The following NEMF variants were observed in gnomAD, a reference collection of about 807,000 sequenced individuals.
The protein encoded by NEMF is nuclear export mediator factor.
NEMF carries 89 observed loss-of-function variants against 162.2 expected under a neutral mutation model. That is an observed-to-expected ratio of 0.55 (90% CI 0.46 to 0.65). The LOEUF (loss-of-function observed/expected upper bound fraction) is 0.65. Ranked by LOEUF, NEMF falls within the 30% of genes least tolerant of loss-of-function variation. NEMF has a pLI of 0.00. For synonymous variants in NEMF, 421 were observed against 404.5 expected (o/e 1.04, Z -0.49); for missense variants, 1,133 against 1,261.9 (o/e 0.90, Z 1.55).
intron 25 of NEMF, among the ~76,000 whole-genome samples, chr14:49,798,318 T>A (rs1203639198): frequency 6.6e-6 from 1 of 152,220 alleles, no homozygotes; most frequent in African/African-American, 2.4e-5. Flanking sequence ...TTGCAAATAA[T>A]CCTTGATTTA....
At chr14:49,827,668 C>G (rs916183423) in intron 15 of NEMF, among the ~76,000 whole-genome samples, 1 of 152,004 alleles carries the variant, frequency 6.6e-6, no homozygotes, top group Non-Finnish European at 1.5e-5. Context: ...CAAAAATTAG[C>G]TGGGTGTGGT....
intron 15 of NEMF, 105 bp downstream of exon 15, chr14:49,828,186 G>C: frequency 1.2e-6 from 1 of 848,270 alleles, no homozygotes; most frequent in South Asian, 1.4e-5. Flanking sequence ...AAGTTTGAAA[G>C]ATACTTCTGA....
chr14:49,794,041 G>C (rs1594731255), intron 26 of NEMF, among the ~76,000 whole-genome samples: 1 of 152,022 alleles, frequency 6.6e-6, no homozygotes, highest in Admixed American at 6.6e-5. Flanking sequence ...CTTCTCAAAT[G>C]ATCTACAATA....
At chr14:49,813,780 T>A (rs115501248) in intron 18 of NEMF, among the ~76,000 whole-genome samples, 2,484 of 152,034 alleles carry the variant, frequency 0.016, 64 homozygotes, top group African/African-American at 0.056. Context: ...TTTAAAAAAA[T>A]TTTTCTAGAG....
At chr14:49,844,727 G>GCGCACACA (rs1893394206) in intron 4 of NEMF, 3 of 145,958 alleles carry the variant, frequency 2.1e-5, no homozygotes, top group African/African-American at 8.4e-5. Flanking sequence ...ACACGCACGC[G>GCGCACACA]CACGCGCGCG....
chr14:49,836,531 C>T (rs1164956473), intron 6 of NEMF, among the ~76,000 whole-genome samples: 1 of 151,876 alleles, frequency 6.6e-6, no homozygotes, highest in African/African-American at 2.4e-5. Context: ...CCTGTAGTCC[C>T]AGCTACTTGT....
rs75778865 is a variant in NEMF, at chr14:49,851,569, G to A, written c.225C>T (p.Ala75=). The change falls in exon 3 of 33, where the codon GCC becomes GCT. Residue 75 remains alanine (A), a synonymous_variant. Transcript: ENST00000298310. ...WPKNMMPSSF[A]MKCRKHLKSR... Reference sequence around the variant, plus strand: ...TCAAGCGTAACAAGTTTACCTTCATGGCAAAACTAGACGGCATCATATTCT... The same window carrying A: ...TCAAGCGTAACAAGTTTACCTTCATAGCAAAACTAGACGGCATCATATTCT... The A allele has an allele frequency of 3.1e-6, 5 of 1,608,952 alleles. No individual in the cohort carries two copies. In the African/African-American group the frequency reaches 6.7e-5, roughly 22 times the overall value.
chr14:49,825,121 G>A lies in NEMF; in HGVS notation c.1577+746C>T, dbSNP rs188134873. 3.6e-3 allele frequency among the ~76,000 whole-genome samples: 541 copies of A among 152,220 alleles called. 3 individuals are homozygous for A. Among genetic ancestry groups the A allele is most frequent in the African/African-American group, 0.012 (514 of 41,510 alleles). On this transcript the variant is annotated intron_variant, in intron 16 of 32. Transcript: ENST00000298310. ...GGGAAGATTTTTAAAACTGAGCAAG[G>A]AAGGAAAAAGAAAACAGAATTCTAT...
chr14:49,846,980 G>C (rs911789923), intron 3 of NEMF, among the ~76,000 whole-genome samples: 4 of 152,166 alleles, frequency 2.6e-5, no homozygotes, highest in African/African-American at 9.7e-5. Context: ...CCGCCTCCCA[G>C]GTTCAAGTGA....
At chr14:49,845,572 A>G (rs1323528145) in intron 4 of NEMF, among the ~76,000 whole-genome samples, 1 of 152,182 alleles carries the variant, frequency 6.6e-6, no homozygotes, top group African/African-American at 2.4e-5. Context: ...GTACAGCTGT[A>G]CAATACTTTC....
chr14:49,833,440 A>C lies in NEMF; in HGVS notation c.718T>G (p.Ser240Ala), dbSNP rs759514593. Residue 240 changes from serine (S) to alanine (A), a missense_variant, in exon 8 of 33, where the codon TCC becomes GCC. This residue lies in a region of NEMF where 582 missense variants were observed against 631.5 expected (regional missense o/e 0.92). Transcript: ENST00000298310. ...GGTGCTACCTTCCCACTGAAGTTGG[A>C]TGTTGTTTTCATATAGTCTTCTGCT... The part of the protein sequence containing the change: ...QKAEDYMKTT[S>A]NFSGKGYIIQ... 5.7e-6 allele frequency: 9 copies of C among 1,584,726 alleles called. No homozygotes were observed. The South Asian group carries it at 1.0e-4, about 18-fold the overall frequency.
Position 49,782,306 on chromosome 14 carries a change from T to C in NEMF, c.*2330A>G. The C allele has an allele frequency of 1.0e-6, 1 of 987,286 alleles. No homozygotes were observed. Among genetic ancestry groups the C allele is most frequent in the Non-Finnish European group, 1.6e-6 (1 of 630,702 alleles). The allele number at this position is 987,286 out of a possible 1,614,324, so 61.2% of individuals were successfully genotyped here. On this transcript the variant is annotated 3_prime_UTR_variant, in exon 33 of 33. Coordinates refer to ENST00000298310, the MANE Select transcript of NEMF (RefSeq NM_004713.6). ...TAGTCTTTATTTCATAGCTCTATTC[T>C]GTAGTATAAAATGGCCAACTGGTGT...
At position 49,831,303 on chromosome 14, in the gene NEMF, T is replaced by A. The variant is rs773281430; in HGVS notation, c.941A>T (p.Gln314Leu). 1.9e-5 allele frequency: 29 copies of A among 1,565,074 alleles called. No individual in the cohort carries two copies. Among genetic ancestry groups the A allele is most frequent in the Middle Eastern group, 3.4e-4 (2 of 5,954 alleles). Residue 314 changes from glutamine to leucine, a missense_variant, in exon 11 of 33, where the codon CAA (glutamine) becomes CTA (leucine). Coordinates refer to ENST00000298310, the MANE Select transcript of NEMF (RefSeq NM_004713.6). ...EGQKIDLKAL[Q>L]QEKQALKKLD... is the part of the protein sequence containing the mutation. ...TGTGTTTTTAATAATACATACCTGT[T>A]GTAAAGCTTTTAAGTCAATTTTCTG...
At position 49,782,190 on chromosome 14, in the gene NEMF, AAAAT is replaced by A. The variant is rs1483200112; in HGVS notation, c.*2442_*2445del. The A allele has an allele frequency of 1.9e-6, 1 of 538,004 alleles. No individual in the cohort carries two copies. The highest frequency in any genetic ancestry group is 1.9e-5 in the African/African-American group (1 of 51,332). 33.3% of individuals were successfully genotyped at this position (538,004 alleles called of 1,614,324 possible). A position where few individuals can be genotyped will look rare whatever the true frequency, so the allele number is the denominator to read the frequency against. ...CAGAGAGAGAAAATAATATCCAGAT[AAAAT>A]AGATATTGATTGATCTGCTTTTGCT... On this transcript the variant is annotated 3_prime_UTR_variant, in exon 33 of 33. Transcript: ENST00000298310.
intron 3 of NEMF, among the ~76,000 whole-genome samples, chr14:49,847,046 C>A (rs548076998): frequency 6.6e-6 from 1 of 152,098 alleles, no homozygotes; most frequent in Non-Finnish European, 1.5e-5. Flanking sequence ...CCACCACACC[C>A]GGCTAATTTT....
intron 29 of NEMF, 28 bp downstream of exon 29, chr14:49,786,690 T>C: frequency 1.3e-6 from 2 of 1,584,796 alleles, no homozygotes; most frequent in Non-Finnish European, 1.7e-6. Flanking sequence ...CACAGTGTTG[T>C]AGTAGGAACC....
intron 4 of NEMF, among the ~76,000 whole-genome samples, chr14:49,845,603 C>T (rs1893461282): frequency 6.6e-6 from 1 of 152,188 alleles, no homozygotes; most frequent in Non-Finnish European, 1.5e-5. Flanking sequence ...TCCATATTCT[C>T]TAAGCTTTTT....
At chr14:49,786,952 TAAG>T (rs760158487) in intron 28 of NEMF, 337 of 517,868 alleles carry the variant, frequency 6.5e-4, no homozygotes, top group East Asian at 4.8e-3. Context: ...TTTTATTACT[TAAG>T]AAAGTAATGT....
Position 49,814,808 on chromosome 14 carries a change from C to T in NEMF, c.1627G>A (p.Gly543Ser). The change falls in exon 17 of 33, where the codon GGT becomes AGT. Residue 543 changes from glycine to serine, a missense_variant. Gly to Ser is a moderately conservative substitution (Grantham distance 56). Coordinates refer to ENST00000298310, the MANE Select transcript of NEMF (RefSeq NM_004713.6). ...FISSENYLII[G>S]GRDQQQNEII... ...TCATTCTGTTGCTGATCTCGTCCACCTATAATTAGATAGTTCTCTGAGCTA... is the reference window on the plus strand; with the variant it reads ...TCATTCTGTTGCTGATCTCGTCCACTTATAATTAGATAGTTCTCTGAGCTA... The T allele has an allele frequency of 2.5e-6, 4 of 1,596,118 alleles. No individual in the cohort carries two copies. The highest frequency in any genetic ancestry group is 3.4e-6 in the Non-Finnish European group (4 of 1,173,866).
Sources: gnomAD v4.1 joint callset for allele counts (sites outside exome capture counted in the v4.1 genomes callset) on GRCh38, gnomAD v4.1.1 for gene constraint, gnomAD v4.1.1 regional missense constraint, MANE v1.5 for transcripts, NCBI Gene and HGNC (gene_info 2026-07-23, HGNC 2026-07-21) for gene names.